IQCH: variants seen among roughly 807,000 people sequenced by gnomAD.
The protein encoded by IQCH is IQ domain-containing protein H.
A neutral mutation model predicts 117.0 loss-of-function variants in IQCH; 98 were observed. The observed-to-expected ratio is 0.84, with a 90% CI of 0.71 to 0.99. The LOEUF is 0.99. Ranked by LOEUF, IQCH falls within the 50% of genes least tolerant of loss-of-function variation. IQCH has a pLI of 0.00. For missense variants in IQCH, 1,102 were observed against 1,243.8 expected (o/e 0.89, Z 1.72); for synonymous variants, 412 against 448.2 (o/e 0.92, Z 1.02).
chr15:67,292,371 C>T (rs1455033101), intron 4 of IQCH, among the ~76,000 whole-genome samples: 2 of 152,150 alleles, frequency 1.3e-5, no homozygotes, highest in Admixed American at 6.6e-5. Context: ...CCTGCCTCAG[C>T]CTCCCGAGTA....
chr15:67,285,648 C>A (rs1966533163), intron 4 of IQCH, among the ~76,000 whole-genome samples: 2 of 152,050 alleles, frequency 1.3e-5, no homozygotes, highest in South Asian at 4.2e-4. Flanking sequence ...AGGAAGGGGT[C>A]CAGTTTCAGT....
intron 4 of IQCH, chr15:67,306,850 CAAG>C (rs1400268654): frequency 3.9e-6 from 6 of 1,533,714 alleles, no homozygotes; most frequent in Non-Finnish European, 5.2e-6. Flanking sequence ...TATGTGGAAA[CAAG>C]AAGAAATCCC....
intron 4 of IQCH, among the ~76,000 whole-genome samples, chr15:67,303,332 G>A (rs1967144388): frequency 6.6e-6 from 1 of 152,120 alleles, no homozygotes; most frequent in African/African-American, 2.4e-5. Flanking sequence ...CTCATTTTCG[G>A]GGGATGCACA....
rs36050088 is a variant in IQCH at position 67,474,067 on chromosome 15, A to AGTGTGTGTGTGTGTGTGTGTGT, written c.2677-1613_2677-1592dup. ...GTCACCAAAAGTGCCACGAAATCTG[A>AGTGTGTGTGTGTGTGTGTGTGT]GTGTGTGTGTGTGTGTGTGTGTGTG... is the stretch of plus-strand genomic sequence containing the variant. On this transcript the variant is annotated intron_variant, in intron 17 of 20. Transcript: ENST00000335894. This position sits in a 1 kb window ranked among gnomAD's most constrained non-coding sequence, Gnocchi z 4.1. Among the ~76,000 whole-genome samples the AGTGTGTGTGTGTGTGTGTGTGT allele has an allele frequency of 7.2e-6, 1 of 138,218 alleles. No individual in the cohort carries two copies. The highest frequency in any genetic ancestry group is 2.7e-5 in the African/African-American group (1 of 36,966). 90.7% of individuals were successfully genotyped at this position (138,218 alleles called of 152,430 possible). A position where few individuals can be genotyped will look rare whatever the true frequency, so the allele number is the denominator to read the frequency against.
chr15:67,407,544 C>T lies in IQCH; in HGVS notation c.2097+7239C>T, dbSNP rs1354843987. On this transcript the variant is annotated intron_variant, in intron 14 of 20. Coordinates refer to ENST00000335894, the MANE Select transcript of IQCH (RefSeq NM_001031715.3). This position sits in a 1 kb window ranked among gnomAD's most constrained non-coding sequence, Gnocchi z 5.3. ...CAAGTGAAATGAAAGCCAGGGTACC[C>T]CTTCTGAGGACCTATAATAATCAGC... The T allele has an allele frequency of 6.6e-6, 1 of 152,096 alleles. No homozygotes were observed. The highest frequency in any genetic ancestry group is 1.9e-4 in the East Asian group (1 of 5,198). The allele number at this position is 152,096 out of a possible 1,614,324, so 9.4% of individuals were successfully genotyped here.
intron 3 of IQCH, among the ~76,000 whole-genome samples, chr15:67,272,892 A>T (rs1965961194): frequency 6.6e-6 from 1 of 152,100 alleles, no homozygotes; most frequent in Admixed American, 6.6e-5. Context: ...TTTTAATTGG[A>T]GAACTAAATC....
chr15:67,279,250 A>T, intron 3 of IQCH, 145 bp from the exon 4 acceptor site: 3 of 564,512 alleles, frequency 5.3e-6, no homozygotes, highest in Non-Finnish European at 9.5e-6. Context: ...CAAAAATAAT[A>T]AAGATTGGTT....
rs539960054 is a variant in IQCH, at chr15:67,310,970, A to G, written c.388-26005A>G. Among the ~76,000 whole-genome samples the G allele has an allele frequency of 6.6e-5, 10 of 152,232 alleles. No individual in the cohort carries two copies. In the South Asian group the frequency reaches 2.1e-3, roughly 32 times the overall value. On this transcript the variant is annotated intron_variant, in intron 4 of 20. Coordinates refer to ENST00000335894, the MANE Select transcript of IQCH (RefSeq NM_001031715.3). The stretch of plus-strand genomic sequence containing the variant: ...ATATTTTTGGTAATTTAGCTCTTCA[A>G]TTGTAGTAGCATTTATTAAGTTTGC...
At chr15:67,439,362 CAAT>C (rs1297322836) in intron 16 of IQCH, among the ~76,000 whole-genome samples, 5 of 152,062 alleles carry the variant, frequency 3.3e-5, no homozygotes, top group African/African-American at 1.2e-4. Context: ...AACTGAATGA[CAAT>C]AATGACACAA....
At position 67,433,347 on chromosome 15, in the gene IQCH, C is replaced by G. The variant is rs929588443; in HGVS notation, c.2505+11770C>G. Among the ~76,000 whole-genome samples the G allele has an allele frequency of 6.6e-6, 1 of 152,204 alleles. No homozygotes were observed. Among genetic ancestry groups the G allele is most frequent in the Non-Finnish European group, 1.5e-5 (1 of 68,030 alleles). On this transcript the variant is annotated intron_variant, in intron 16 of 20. Coordinates refer to ENST00000335894, the MANE Select transcript of IQCH (RefSeq NM_001031715.3). The surrounding 1 kb of genome is among the most constrained non-coding windows in gnomAD (Gnocchi z 5.4). ...ATTCTGTTTCTTAACACTGATAGTG[C>G]AGGTAAACTAGTGGCCAACTTTGCT...
chr15:67,346,712 G>T (rs552531558), intron 6 of IQCH, among the ~76,000 whole-genome samples: 10 of 152,280 alleles, frequency 6.6e-5, no homozygotes, highest in African/African-American at 2.4e-4. Flanking sequence ...TATAGGCCAT[G>T]TAGACCATTA....
intron 6 of IQCH, among the ~76,000 whole-genome samples, chr15:67,354,768 A>C (rs1473702279): frequency 2.0e-5 from 3 of 152,230 alleles, no homozygotes; most frequent in Non-Finnish European, 4.4e-5. Flanking sequence ...TGAGGAGCCT[A>C]GGGATGGTGG....
At chr15:67,278,194 A>G (rs982857702) in intron 3 of IQCH, among the ~76,000 whole-genome samples, 1 of 152,214 alleles carries the variant, frequency 6.6e-6, no homozygotes, top group Non-Finnish European at 1.5e-5. Flanking sequence ...TTCATTACAG[A>G]GAACGGAACG....
intron 16 of IQCH, among the ~76,000 whole-genome samples, chr15:67,435,009 A>AT (rs200802324): frequency 0.14 from 19,947 of 143,870 alleles, 1,404 homozygotes; most frequent in East Asian, 0.21. Context: ...ATTTTTTTTA[A>AT]TTTTTTTAAG....
chr15:67,451,598 A>T (rs1341803497), intron 16 of IQCH, among the ~76,000 whole-genome samples: 1 of 152,172 alleles, frequency 6.6e-6, no homozygotes, highest in Non-Finnish European at 1.5e-5. Context: ...ACAGTTTGTT[A>T]TAATTTCTGT....
chr15:67,263,072 A>G, intron 2 of IQCH, 50 bp from the exon 3 acceptor site: 1 of 946,134 alleles, frequency 1.1e-6, no homozygotes, highest in Non-Finnish European at 1.7e-6. Context: ...AAATTAGCTG[A>G]GTATCTTAAG....
Position 67,424,566 on chromosome 15 carries a change from A to G in IQCH, c.2505+2989A>G, listed in dbSNP as rs1397171551. On this transcript the variant is annotated intron_variant, in intron 16 of 20. Transcript: ENST00000335894. This position sits in a 1 kb window ranked among gnomAD's most constrained non-coding sequence, Gnocchi z 4.9. Reference sequence around the variant, plus strand: ...AGCACTTACTTCTGTCCTGGCACAAAGTAGGTATTCAGTAAATATTTGTTG... The same window carrying G: ...AGCACTTACTTCTGTCCTGGCACAAGGTAGGTATTCAGTAAATATTTGTTG... Among the ~76,000 whole-genome samples, 1 of 152,184 alleles carries G rather than the reference A, an allele frequency of 6.6e-6. No homozygotes were observed. Among genetic ancestry groups the G allele is most frequent in the Non-Finnish European group, 1.5e-5 (1 of 68,038 alleles).
chr15:67,379,300 T>C lies in IQCH; in HGVS notation c.1373-5636T>C, dbSNP rs940268988. On this transcript the variant is annotated intron_variant, in intron 10 of 20. Transcript: ENST00000335894. ...TTCAGATAGTTGTGTATATTCTTCT[T>C]TGACTTTATACTAAACTCCACAATG... Among the ~76,000 whole-genome samples, 8 of 152,240 alleles carry C rather than the reference T, an allele frequency of 5.3e-5. No homozygotes were observed. The East Asian group carries it at 1.5e-3, about 29-fold the overall frequency.
chr15:67,487,039 A>G (rs2083500803), intron 18 of IQCH, among the ~76,000 whole-genome samples: 1 of 152,214 alleles, frequency 6.6e-6, no homozygotes. Context: ...AGCTTTAAAG[A>G]ATGCAGATGA....
Sources: gnomAD v4.1 joint callset for allele counts (sites outside exome capture counted in the v4.1 genomes callset) on GRCh38, gnomAD v4.1.1 for gene constraint, Gnocchi (gnomAD v3.1) non-coding constraint, MANE v1.5 for transcripts, NCBI Gene and HGNC (gene_info 2026-07-23, HGNC 2026-07-21) for gene names.